Variants in CELF2 observed in about 807,000 individuals in gnomAD.
The protein encoded by CELF2 is CUGBP Elav-like family member 2, also known as CUG triplet repeat RNA-binding protein 2.
In CELF2, 8 loss-of-function variants were observed where a neutral mutation model predicts 62.6. The observed-to-expected ratio is 0.13, with a 90% CI of 0.07 to 0.23. CELF2 has a LOEUF of 0.23. Among genes scored for constraint, CELF2 ranks in the 10% least tolerant of loss-of-function variants. The pLI is 1.00. For synonymous variants in CELF2, 258 were observed against 250.0 expected (o/e 1.03, Z -0.30); for missense variants, 333 against 671.0 (o/e 0.50, Z 5.56).
At chr10:10,726,722 C>A in the CELF2 span, among the ~76,000 whole-genome samples, 1 of 152,152 alleles carries the variant, frequency 6.6e-6, no homozygotes, top group Admixed American at 6.5e-5. Context: ...TTTATAAGCA[C>A]CTACCTCAAA....
chr10:11,017,751 C>T (rs2057468992), upstream of CELF2, among the ~76,000 whole-genome samples: 1 of 151,846 alleles, frequency 6.6e-6, no homozygotes, highest in Admixed American at 6.6e-5. This position sits in a 1 kb window ranked among gnomAD's most constrained non-coding sequence, Gnocchi z 5.5. Context: ...TGGCCGTGCC[C>T]GGGCGGTGAG....
intron 1 of CELF2, among the ~76,000 whole-genome samples, chr10:11,106,411 A>G (rs2053519021): frequency 6.6e-6 from 1 of 151,954 alleles, no homozygotes; most frequent in Admixed American, 6.6e-5. Context: ...TAATTGTTCT[A>G]TTTTTAGTAG....
At chr10:10,483,339 TAGAG>T in the CELF2 span, among the ~76,000 whole-genome samples, 1 of 151,452 alleles carries the variant, frequency 6.6e-6, no homozygotes. Context: ...ATTTATAAAA[TAGAG>T]AGAAAAACAA....
the CELF2 span, among the ~76,000 whole-genome samples, chr10:10,717,578 C>T: frequency 6.6e-6 from 1 of 152,070 alleles, no homozygotes; most frequent in African/African-American, 2.4e-5. Flanking sequence ...AATGGTTAAC[C>T]TCATGCCTCC....
chr10:11,323,004 C>T (rs190568946), intron 11 of CELF2, among the ~76,000 whole-genome samples: 1 of 152,160 alleles, frequency 6.6e-6, no homozygotes. Flanking sequence ...GGTCACCTCT[C>T]CACTACAGAG....
the CELF2 span, among the ~76,000 whole-genome samples, chr10:10,622,821 CGG>C: frequency 3.3e-5 from 5 of 151,628 alleles, no homozygotes; most frequent in Admixed American, 2.0e-4. Context: ...AAGCCGGGCG[CGG>C]TGGCTTATGC....
intron 1 of CELF2, among the ~76,000 whole-genome samples, chr10:11,043,487 A>G (rs2062209015): frequency 1.3e-5 from 2 of 152,146 alleles, no homozygotes. Context: ...TGCCCTGAAC[A>G]CCAGCATTGA....
chr10:11,317,500 A>G (rs558377445), intron 10 of CELF2: 2 of 152,360 alleles, frequency 1.3e-5, no homozygotes, highest in South Asian at 2.1e-4. Context: ...CGTCATCTAT[A>G]CAAAGGAAAA....
chr10:10,699,475 T>C, the CELF2 span, among the ~76,000 whole-genome samples: 1 of 152,256 alleles, frequency 6.6e-6, no homozygotes, highest in Non-Finnish European at 1.5e-5. Flanking sequence ...TTGCAAATTG[T>C]CTCAGCACTG....
chr10:10,907,113 A>ACG (rs1028505936), intron 1 of CELF2, among the ~76,000 whole-genome samples: 2 of 152,022 alleles, frequency 1.3e-5, no homozygotes, highest in Admixed American at 6.6e-5. Flanking sequence ...ACACACGCAA[A>ACG]CGCACACACA....
chr10:10,549,629 T>C, the CELF2 span, among the ~76,000 whole-genome samples: 2 of 152,186 alleles, frequency 1.3e-5, no homozygotes, highest in African/African-American at 2.4e-5. Flanking sequence ...TGCAAATGGT[T>C]GCCTTCTCCC....
chr10:11,090,188 GAA>G (rs111809755), intron 1 of CELF2, among the ~76,000 whole-genome samples: 1,917 of 136,400 alleles, frequency 0.014, 46 homozygotes, highest in African/African-American at 0.049. Flanking sequence ...GAAATTTGGG[GAA>G]AAAAAAAAAA....
chr10:10,495,250 G>C, the CELF2 span, among the ~76,000 whole-genome samples: 5 of 152,214 alleles, frequency 3.3e-5, no homozygotes, highest in Non-Finnish European at 1.5e-5. Flanking sequence ...CTGCACTTCA[G>C]CCTGGGCGAC....
chr10:11,259,983 G>T (rs1465670348), intron 5 of CELF2, among the ~76,000 whole-genome samples: 1 of 152,134 alleles, frequency 6.6e-6, no homozygotes, highest in African/African-American at 2.4e-5. Context: ...ATTCTCCAAG[G>T]TATGGAGAAA....
chr10:10,507,234 A>G, the CELF2 span, among the ~76,000 whole-genome samples: 2 of 152,026 alleles, frequency 1.3e-5, no homozygotes, highest in Admixed American at 1.3e-4. Flanking sequence ...TCCTGATTCT[A>G]TGGAACTCTA....
rs539834004 is a variant in CELF2 at position 11,316,214 on chromosome 10, A to G, written c.1096+1956A>G. Among the ~76,000 whole-genome samples, 8 of 152,384 alleles carry G rather than the reference A, an allele frequency of 5.2e-5. No homozygotes were observed. The East Asian group carries it at 5.8e-4, about 11-fold the overall frequency. ...TTTTGCTTTTTAAAATTCTTTGCCA[A>G]TGGGTTAATATAAGTCTGTATAGTT... On this transcript the variant is annotated intron_variant, in intron 10 of 12. Transcript: ENST00000633077. This position sits in a 1 kb window ranked among gnomAD's most constrained non-coding sequence, Gnocchi z 4.4.
chr10:11,179,281 TAAAAA>T (rs10718541), intron 2 of CELF2, among the ~76,000 whole-genome samples: 1 of 149,350 alleles, frequency 6.7e-6, no homozygotes, highest in East Asian at 1.9e-4. Context: ...ACTGTACTGT[TAAAAA>T]AAAAAAATCA....
chr10:10,978,979 G>T (rs1429472407), intron 2 of CELF2, among the ~76,000 whole-genome samples: 2 of 152,182 alleles, frequency 1.3e-5, no homozygotes, highest in Middle Eastern at 3.2e-3. Flanking sequence ...CCATTTGCAG[G>T]ATTTCAGACT....
chr10:10,770,127 C>G, the CELF2 span, among the ~76,000 whole-genome samples: 1 of 152,088 alleles, frequency 6.6e-6, no homozygotes, highest in African/African-American at 2.4e-5. Flanking sequence ...ATGAGAGCTT[C>G]TAGATGGATG....
Sources: gnomAD v4.1 joint callset for allele counts (sites outside exome capture counted in the v4.1 genomes callset) on GRCh38, gnomAD v4.1.1 for gene constraint, Gnocchi (gnomAD v3.1) non-coding constraint, MANE v1.5 for transcripts, NCBI Gene and HGNC (gene_info 2026-07-23, HGNC 2026-07-21) for gene names.